RABGEF1: variants seen among roughly 807,000 people sequenced by gnomAD.
RABGEF1 encodes the protein RAB guanine nucleotide exchange factor 1.
A neutral mutation model predicts 57.3 loss-of-function variants in RABGEF1; 26 were observed. The ratio of observed to expected loss-of-function variants is 0.45; its 90% CI spans 0.33 to 0.63. RABGEF1 has a LOEUF of 0.63. RABGEF1 is among the 20% of genes least tolerant of loss of function. The probability of loss-of-function intolerance (pLI) is 0.02; values close to 1 mark genes in which losing one functional copy is unlikely to be tolerated. For synonymous variants in RABGEF1, 185 were observed against 210.7 expected, an observed-to-expected ratio of 0.88 and a Z score of 1.06; for missense variants, 464 against 607.6, an observed-to-expected ratio of 0.76 and a Z score of 2.48.
chr7:66,804,789 C>G (rs1284933939), intron 7 of RABGEF1, among the ~76,000 whole-genome samples: 1 of 150,598 alleles, frequency 6.6e-6, no homozygotes, highest in African/African-American at 2.4e-5. Context: ...GACATGGTTT[C>G]AAATTCCCAC....
the RABGEF1 span, among the ~76,000 whole-genome samples, chr7:66,661,105 C>G: frequency 5.3e-5 from 8 of 151,704 alleles, no homozygotes; most frequent in African/African-American, 1.7e-4. Context: ...GTCAGGAGAT[C>G]GAGACCACAG....
At chr7:66,703,936 C>G (rs1159688755) in intron 1 of RABGEF1, among the ~76,000 whole-genome samples, 1 of 152,158 alleles carries the variant, frequency 6.6e-6, no homozygotes, top group East Asian at 1.9e-4. Context: ...GGGACGCTTT[C>G]CCATTTATTT....
intron 1 of RABGEF1, among the ~76,000 whole-genome samples, chr7:66,759,943 C>CCATAAAT (rs1324133748): frequency 6.6e-6 from 1 of 152,160 alleles, no homozygotes; most frequent in Non-Finnish European, 1.5e-5. Flanking sequence ...CAGGTGTTTA[C>CCATAAAT]CATAAATCAT....
At chr7:66,782,455 A>G (rs1397711278) in intron 3 of RABGEF1, among the ~76,000 whole-genome samples, 1 of 147,434 alleles carries the variant, frequency 6.8e-6, no homozygotes, top group Non-Finnish European at 1.5e-5. Flanking sequence ...AGCACAGTGT[A>G]CATACCTTAC....
At chr7:66,808,280 A>G (rs911023540) in intron 8 of RABGEF1, among the ~76,000 whole-genome samples, 1 of 149,618 alleles carries the variant, frequency 6.7e-6, no homozygotes, top group Non-Finnish European at 1.5e-5. Context: ...CAGTGGCGTG[A>G]TCTTGGCTCA....
intron 1 of RABGEF1, among the ~76,000 whole-genome samples, chr7:66,705,669 G>C (rs1284839551): frequency 6.6e-6 from 1 of 151,176 alleles, no homozygotes; most frequent in African/African-American, 2.4e-5. Context: ...GTTACTTCAA[G>C]CACTTTCAGT....
intron 4 of RABGEF1, among the ~76,000 whole-genome samples, chr7:66,793,314 A>G (rs1289807508): frequency 1.3e-5 from 2 of 152,242 alleles, no homozygotes; most frequent in African/African-American, 2.4e-5. Flanking sequence ...TGCCTTACAT[A>G]CATAGCCTGA....
chr7:66,741,978 T>A (rs150049846), intron 1 of RABGEF1, among the ~76,000 whole-genome samples: 11 of 144,596 alleles, frequency 7.6e-5, no homozygotes, highest in African/African-American at 7.7e-5. Flanking sequence ...CTACTACAAA[T>A]AAAAAAAAAA....
In RABGEF1 at chr7:66,773,604, G is replaced by A. The variant is rs138007978; in HGVS notation, c.179+1526G>A. ...CTGACAAGTTGCCTGGTGATGCTGC[G>A]CTGCTGTCTGGGGAATCATACTTGG... is the stretch of plus-strand genomic sequence containing the variant. On this transcript the variant is annotated intron_variant, in intron 2 of 8. Coordinates refer to ENST00000284957, the MANE Select transcript of RABGEF1 (RefSeq NM_014504.3). 224 of 447,840 alleles carry A rather than the reference G, an allele frequency of 5.0e-4. No individual in the cohort carries two copies. The East Asian group carries it at 9.3e-3, about 19-fold the overall frequency. The allele number at this position is 447,840 out of a possible 1,614,324, so 27.7% of individuals were successfully genotyped here. A position where few individuals can be genotyped will look rare whatever the true frequency, so the allele number is the denominator to read the frequency against.
chr7:66,676,324 T>A, the RABGEF1 span, among the ~76,000 whole-genome samples: 13 of 152,092 alleles, frequency 8.5e-5, no homozygotes, highest in Admixed American at 3.3e-4. Context: ...AATAGAATCA[T>A]CTGTCGGTAT....
chr7:66,660,312 C>T, the RABGEF1 span, among the ~76,000 whole-genome samples: 1 of 150,212 alleles, frequency 6.7e-6, no homozygotes, highest in South Asian at 2.1e-4. Context: ...TGTGCCACTA[C>T]ACTCCAGCCT....
At chr7:66,754,744 C>T (rs567723616) in intron 1 of RABGEF1, among the ~76,000 whole-genome samples, 3 of 152,188 alleles carry the variant, frequency 2.0e-5, no homozygotes, top group Admixed American at 6.5e-5. Context: ...ATACATTTCA[C>T]GTCTAGGCAT....
At position 66,728,525 on chromosome 7, in the gene RABGEF1, T is replaced by C. The variant is rs181259640; in HGVS notation, c.-814-11471T>C. Reference sequence around the variant, plus strand: ...CCACAATGGCATTCCCATTTCACCATTGCCATCACCAGTGTCTTCACCATT... The same window carrying C: ...CCACAATGGCATTCCCATTTCACCACTGCCATCACCAGTGTCTTCACCATT... On this transcript the variant is annotated intron_variant and NMD_transcript_variant, in intron 2 of 9. Coordinates refer to the RABGEF1 transcript ENST00000607882. Among the ~76,000 whole-genome samples, 7 of 136,160 alleles carry C rather than the reference T, an allele frequency of 5.1e-5. No individual in the cohort carries two copies. In the Admixed American group the frequency reaches 6.0e-4, roughly 12 times the overall value. The allele number at this position is 136,160 out of a possible 152,430, so 89.3% of individuals were successfully genotyped here. A position where few individuals can be genotyped will look rare whatever the true frequency, so the allele number is the denominator to read the frequency against.
At chr7:66,800,092 G>A (rs945571382) in intron 7 of RABGEF1, among the ~76,000 whole-genome samples, 3 of 152,170 alleles carry the variant, frequency 2.0e-5, no homozygotes, top group Non-Finnish European at 2.9e-5. Flanking sequence ...TTAGAAAGAG[G>A]CCTTGGAAAG....
At chr7:66,668,464 C>G in the RABGEF1 span, among the ~76,000 whole-genome samples, 1 of 152,142 alleles carries the variant, frequency 6.6e-6, no homozygotes. Flanking sequence ...CATCTTGCAA[C>G]TTGAATTGCT....
chr7:66,688,085 C>CCA, intron 1 of RABGEF1, among the ~76,000 whole-genome samples: 1 of 109,126 alleles, frequency 9.2e-6, no homozygotes, highest in South Asian at 2.9e-4. Flanking sequence ...AACTCTGTGT[C>CCA]AAAAAAAAAA....
intron 1 of RABGEF1, among the ~76,000 whole-genome samples, chr7:66,692,018 C>CT: frequency 6.6e-6 from 1 of 152,286 alleles, no homozygotes; most frequent in East Asian, 1.9e-4. Flanking sequence ...GATGGTGCCA[C>CT]TGCACTCCAG....
intron 1 of RABGEF1, among the ~76,000 whole-genome samples, chr7:66,745,533 G>C (rs183533508): frequency 1.3e-5 from 2 of 152,242 alleles, no homozygotes; most frequent in East Asian, 1.9e-4. Context: ...TTGGGAGGCT[G>C]AGGTGGGCAG....
chr7:66,721,982 C>G (rs995557163), intron 2 of RABGEF1, among the ~76,000 whole-genome samples: 3 of 152,084 alleles, frequency 2.0e-5, no homozygotes, highest in East Asian at 3.9e-4. Flanking sequence ...TGAGACCCCC[C>G]CTCCGTCTTT....
Sources: gnomAD v4.1 joint callset for allele counts (sites outside exome capture counted in the v4.1 genomes callset) on GRCh38, gnomAD v4.1.1 for gene constraint, MANE v1.5 for transcripts, NCBI Gene and HGNC (gene_info 2026-07-23, HGNC 2026-07-21) for gene names.